DPYD: variants seen among roughly 807,000 people sequenced by gnomAD.
DPYD encodes the protein dihydropyrimidine dehydrogenase [NADP(+)].
In DPYD, 109 loss-of-function variants were observed where a neutral mutation model predicts 116.2. That is an observed-to-expected ratio of 0.94 (90% CI 0.80 to 1.10). The LOEUF (loss-of-function observed/expected upper bound fraction) is 1.10, where lower values mean the gene tolerates loss of function less well. Among genes scored for constraint, DPYD ranks in the 50% least tolerant of loss-of-function variants. The pLI, the probability that DPYD is intolerant of heterozygous loss-of-function variation, is 0.00. For synonymous variants in DPYD, 440 were observed against 432.0 expected, an observed-to-expected ratio of 1.02 and a Z score of -0.23; for missense variants, 1,302 against 1,254.5, an observed-to-expected ratio of 1.04 and a Z score of -0.57.
intron 19 of DPYD, among the ~76,000 whole-genome samples, chr1:97,198,793 G>A (rs1013610694): frequency 3.3e-5 from 5 of 152,104 alleles, no homozygotes; most frequent in Admixed American, 6.5e-5. Context: ...TATAAGGATC[G>A]TTGCCACCAT....
At chr1:97,791,598 G>A (rs1385967315) in intron 3 of DPYD, among the ~76,000 whole-genome samples, 2 of 152,172 alleles carry the variant, frequency 1.3e-5, no homozygotes, top group Admixed American at 1.3e-4. Context: ...AAATGTGATG[G>A]TCTGGTTGTG....
chr1:97,770,396 A>G (rs1314265596), intron 3 of DPYD, among the ~76,000 whole-genome samples: 1 of 152,236 alleles, frequency 6.6e-6, no homozygotes, highest in Non-Finnish European at 1.5e-5. Context: ...ATTCAATAAC[A>G]AAACTCAAAG....
intron 1 of DPYD, among the ~76,000 whole-genome samples, chr1:97,905,094 A>G (rs529557603): frequency 3.9e-5 from 6 of 152,182 alleles, no homozygotes; most frequent in African/African-American, 1.4e-4. Flanking sequence ...AAAGAATTTC[A>G]TAGATTCTGG....
chr1:97,184,313 C>CT (rs1018973448), intron 20 of DPYD, among the ~76,000 whole-genome samples: 12 of 151,764 alleles, frequency 7.9e-5, no homozygotes, highest in African/African-American at 2.2e-4. Context: ...AATAGCAGTT[C>CT]TTTTTTTTGC....
chr1:97,717,713 G>A (rs1406195048), intron 5 of DPYD, among the ~76,000 whole-genome samples: 1 of 151,918 alleles, frequency 6.6e-6, no homozygotes, highest in African/African-American at 2.4e-5. Context: ...TTCCATTCCT[G>A]AGTTACTTCA....
At chr1:97,119,343 C>A (rs893670323) in intron 20 of DPYD, among the ~76,000 whole-genome samples, 1 of 152,078 alleles carries the variant, frequency 6.6e-6, no homozygotes, top group African/African-American at 2.4e-5. Context: ...GCTTTGCAGC[C>A]CAGTCCCTTG....
intron 1 of DPYD, among the ~76,000 whole-genome samples, chr1:97,884,635 G>T (rs1035007378): frequency 1.3e-5 from 2 of 152,066 alleles, no homozygotes; most frequent in Non-Finnish European, 2.9e-5. Context: ...CTTCTTCCAT[G>T]AAGTTACCCC....
At chr1:97,662,151 C>T (rs537229840) in intron 8 of DPYD, among the ~76,000 whole-genome samples, 200 of 151,480 alleles carry the variant, frequency 1.3e-3, no homozygotes, top group Non-Finnish European at 2.3e-3. Flanking sequence ...CAGGCACCAG[C>T]CACCACATCC....
At chr1:97,376,887 G>GTGTGTGTGTGTGTGTGTGTATA in intron 15 of DPYD, among the ~76,000 whole-genome samples, 7 of 128,454 alleles carry the variant, frequency 5.4e-5, no homozygotes, top group African/African-American at 1.7e-4. Flanking sequence ...GTGTGTGTGT[G>GTGTGTGTGTGTGTGTGTGTATA]TATATATATA....
At chr1:97,471,170 C>G (rs1424679770) in intron 13 of DPYD, among the ~76,000 whole-genome samples, 2 of 152,072 alleles carry the variant, frequency 1.3e-5, no homozygotes, top group Non-Finnish European at 2.9e-5. Context: ...TTCACTGATG[C>G]CATTATGTAT....
At chr1:97,678,303 C>T (rs923240754) in intron 8 of DPYD, among the ~76,000 whole-genome samples, 8 of 152,150 alleles carry the variant, frequency 5.3e-5, no homozygotes, top group Admixed American at 1.3e-4. Context: ...CAGTAATGCT[C>T]GCTTGCCCAC....
At chr1:97,229,808 C>CATT (rs1439603744) in intron 19 of DPYD, among the ~76,000 whole-genome samples, 3 of 151,750 alleles carry the variant, frequency 2.0e-5, no homozygotes, top group Non-Finnish European at 4.4e-5. Flanking sequence ...ATGTGTGAAA[C>CATT]TTTACATTTT....
chr1:97,638,655 C>T (rs1386412154), intron 8 of DPYD, among the ~76,000 whole-genome samples: 1 of 152,060 alleles, frequency 6.6e-6, no homozygotes, highest in Non-Finnish European at 1.5e-5. Flanking sequence ...TAACATGGCA[C>T]TCATATCTGT....
At chr1:97,761,399 C>T (rs895695719) in intron 3 of DPYD, among the ~76,000 whole-genome samples, 2 of 151,708 alleles carry the variant, frequency 1.3e-5, no homozygotes, top group African/African-American at 4.8e-5. Context: ...AATGACAAAA[C>T]GAGAATATAT....
intron 19 of DPYD, among the ~76,000 whole-genome samples, chr1:97,207,803 G>A (rs1659747231): frequency 6.6e-6 from 1 of 152,032 alleles, no homozygotes; most frequent in Non-Finnish European, 1.5e-5. Flanking sequence ...TTGGGTTTCT[G>A]CATCACGCAC....
rs911956819 is a variant in DPYD, at chr1:97,699,468, G to C, written c.563C>G (p.Ala188Gly). Residue 188 changes from alanine to glycine, a missense_variant, in exon 6 of 23, where the codon GCA (alanine) becomes GGA (glycine). Physicochemically the swap from Ala to Gly is moderately conservative, Grantham distance 60 (BLOSUM62 0). Coordinates refer to ENST00000370192, the MANE Select transcript of DPYD (RefSeq NM_000110.4). The part of the protein sequence containing the change: ...PPEKMSEAYS[A>G]KIALFGAGPA... ...CCCAGCACCAAAAAGAGCAATCTTTGCAGAATAGGCTTCAGACATTTTTTC... is the reference window on the plus strand; with the variant it reads ...CCCAGCACCAAAAAGAGCAATCTTTCCAGAATAGGCTTCAGACATTTTTTC... The C allele has an allele frequency of 6.2e-7, 1 of 1,613,644 alleles. No individual in the cohort carries two copies. The highest frequency in any genetic ancestry group is 8.5e-7 in the Non-Finnish European group (1 of 1,179,684).
intron 14 of DPYD, among the ~76,000 whole-genome samples, chr1:97,401,899 A>C (rs1297512659): frequency 1.3e-5 from 2 of 152,084 alleles, no homozygotes; most frequent in Non-Finnish European, 2.9e-5. Context: ...TCTCCACTGA[A>C]GTGTCTTACT....
At chr1:97,590,924 A>T (rs1463120151) in intron 10 of DPYD, among the ~76,000 whole-genome samples, 2 of 152,222 alleles carry the variant, frequency 1.3e-5, no homozygotes, top group Admixed American at 1.3e-4. Flanking sequence ...TGTTCAAAGC[A>T]GCCCAGTGAT....
chr1:97,353,625 CTGT>C lies in DPYD; in HGVS notation c.2058+19933_2058+19935del, dbSNP rs1402650325. ...ACATTAATAACTGGAAAACTGCATT[CTGT>C]TTTTTTTTTTTTTTTCTATGCTACA... On this transcript the variant is annotated intron_variant, in intron 16 of 22. Coordinates refer to ENST00000370192, the MANE Select transcript of DPYD (RefSeq NM_000110.4). 2.9e-5 allele frequency among the ~76,000 whole-genome samples: 4 copies of C among 139,096 alleles called. No homozygotes were observed. The East Asian group carries it at 6.4e-4, about 22-fold the overall frequency. The allele number at this position is 139,096 out of a possible 152,430, so 91.3% of individuals were successfully genotyped here.
Sources: gnomAD v4.1 joint callset for allele counts (sites outside exome capture counted in the v4.1 genomes callset) on GRCh38, gnomAD v4.1.1 for gene constraint, MANE v1.5 for transcripts, NCBI Gene and HGNC (gene_info 2026-07-23, HGNC 2026-07-21) for gene names.